SETX: variants seen among roughly 807,000 people sequenced by gnomAD.
SETX encodes helicase senataxin.
Under a neutral mutation model 227.2 loss-of-function variants are expected in SETX, and 90 were observed. That is an observed-to-expected ratio of 0.40 (90% confidence interval 0.33 to 0.47). SETX has a LOEUF of 0.47. Among genes scored for constraint, SETX ranks in the 20% least tolerant of loss-of-function variants. The probability of loss-of-function intolerance (pLI) is 0.91; values close to 1 mark genes in which losing one functional copy is unlikely to be tolerated. For synonymous variants in SETX, 1,210 were observed against 1,113.2 expected (o/e 1.09, Z -1.73); for missense variants, 3,052 against 3,181.5 (o/e 0.96, Z 0.98).
chr9:132,336,873 C>T (rs1013535612), intron 5 of SETX, among the ~76,000 whole-genome samples: 14 of 152,040 alleles, frequency 9.2e-5, no homozygotes, highest in Non-Finnish European at 2.1e-4. Flanking sequence ...AGACCAGCCT[C>T]GCCAACTTGG....
At chr9:132,292,420 A>C (rs1589659476) in intron 15 of SETX, among the ~76,000 whole-genome samples, 1 of 122,594 alleles carries the variant, frequency 8.2e-6, no homozygotes, top group African/African-American at 4.0e-5. Flanking sequence ...GGGTACAAAA[A>C]AAAAAAAAAA....
At chr9:132,346,585 AT>A in intron 3 of SETX, 114 bp from the exon 4 acceptor site, 1 of 738,662 alleles carries the variant, frequency 1.4e-6, no homozygotes, top group Non-Finnish European at 2.3e-6. Flanking sequence ...AATGTAAAGT[AT>A]TAGAGCTTGT....
rs1842910898 is a variant in SETX at position 132,271,696 on chromosome 9, T to C, written c.7199+14A>G. On this transcript the variant is annotated intron_variant, in intron 24 of 25. Transcript: ENST00000224140. ...GTATACAAGTATAAAAGAGCAACAA[T>C]GACAGTAACTCACCCAATTGAACCT... 6.2e-7 allele frequency: 1 copy of C among 1,600,054 alleles called. No homozygotes were observed. Among genetic ancestry groups the C allele is most frequent in the Non-Finnish European group, 8.6e-7 (1 of 1,167,188 alleles).
intron 10 of SETX, among the ~76,000 whole-genome samples, chr9:132,320,856 G>C (rs1163109420): frequency 1.3e-5 from 2 of 151,712 alleles, no homozygotes; most frequent in Non-Finnish European, 2.9e-5. Flanking sequence ...CCACACTTTG[G>C]AAGCTGCAAA....
chr9:132,336,560 C>A, intron 5 of SETX, 45 bp from the exon 6 acceptor site: 2 of 1,328,234 alleles, frequency 1.5e-6, no homozygotes, highest in South Asian at 2.4e-5. Flanking sequence ...AAACAATGGT[C>A]TACAAACAGC....
In SETX at chr9:132,276,913, A is replaced by T. The variant is rs894098628; in HGVS notation, c.6935+147T>A. ...GTAATATTATCCCCATTATACAGAAAAAAGAAGCATCAACTTAAGTGAACA... is the reference window on the plus strand; with the variant it reads ...GTAATATTATCCCCATTATACAGAATAAAGAAGCATCAACTTAAGTGAACA... On this transcript the variant is annotated intron_variant, in intron 22 of 25. Transcript: ENST00000224140. 1.8e-5 allele frequency: 13 copies of T among 736,572 alleles called. No individual in the cohort carries two copies. In the African/African-American group the frequency reaches 2.1e-4, roughly 12 times the overall value. The allele number at this position is 736,572 out of a possible 1,614,324, so 45.6% of individuals were successfully genotyped here. A position where few individuals can be genotyped will look rare whatever the true frequency, so the allele number is the denominator to read the frequency against.
In SETX at chr9:132,326,337, T is replaced by C; in HGVS notation, c.5261A>G (p.Asn1754Ser). Residue 1754 changes from asparagine to serine, a missense_variant, in exon 10 of 26, where the codon AAT becomes AGT. Transcript: ENST00000224140. ...FNVFFPLMVL[N>S]TFETVAQEWL... ...ACACATACTTACTGTTTCAAAAGTA[T>C]TCAATACCATCAAAGGGAAAAAAAC... 1 of 1,607,326 alleles carries C rather than the reference T, an allele frequency of 6.2e-7. No individual in the cohort carries two copies. Among genetic ancestry groups the C allele is most frequent in the Non-Finnish European group, 8.5e-7 (1 of 1,174,798 alleles).
intron 11 of SETX, among the ~76,000 whole-genome samples, chr9:132,307,741 C>T (rs944832234): frequency 6.6e-6 from 1 of 150,470 alleles, no homozygotes; most frequent in East Asian, 1.9e-4. Flanking sequence ...TGCAGTGGCA[C>T]GATCTCGGCT....
chr9:132,351,985 C>G (rs1848627721), intron 2 of SETX, among the ~76,000 whole-genome samples: 1 of 152,230 alleles, frequency 6.6e-6, no homozygotes, highest in East Asian at 1.9e-4. Context: ...TAATTTTCTA[C>G]AGACTTATCC....
At chr9:132,303,892 C>A (rs553542180) in intron 11 of SETX, among the ~76,000 whole-genome samples, 2 of 152,110 alleles carry the variant, frequency 1.3e-5, no homozygotes, top group African/African-American at 4.8e-5. Context: ...GAGGCCGAGG[C>A]GGGTGGTTCA....
At position 132,327,165 on chromosome 9, in the gene SETX, G is replaced by T. The variant is rs143661911; in HGVS notation, c.4433C>A (p.Ala1478Glu). The T allele has an allele frequency of 5.4e-4, 878 of 1,614,148 alleles. 2 individuals are homozygous for T. The highest frequency in any genetic ancestry group is 6.9e-4 in the Non-Finnish European group (819 of 1,180,030). The change falls in exon 10 of 26, where the codon GCA (alanine) becomes GAA (glutamate). Residue 1478 changes from alanine (A) to glutamate (E), a missense_variant. By Grantham distance (107) the Ala-to-Glu change is moderately radical (BLOSUM62 -1). Around this residue, in one of 10 missense-constraint regions of SETX, gnomAD observed 1,483 missense variants for 1,312.0 expected, o/e 1.13. Transcript: ENST00000224140. ...GDPTARHIEM[A>E]ALKEGEPDSS... is the part of the protein sequence containing the mutation. Reference sequence around the variant, plus strand: ...GTCAGGCTCTCCTTCTTTCAAAGCTGCCATCTCTATATGACGTGCTGTTGG... The same window carrying T: ...GTCAGGCTCTCCTTCTTTCAAAGCTTCCATCTCTATATGACGTGCTGTTGG...
chr9:132,295,406 C>G (rs1844610226), intron 15 of SETX, among the ~76,000 whole-genome samples: 1 of 152,214 alleles, frequency 6.6e-6, no homozygotes, highest in Non-Finnish European at 1.5e-5. Context: ...TCACCGCCAC[C>G]TAATGCTCTG....
At chr9:132,285,460 T>C (rs754819269) in intron 18 of SETX, among the ~76,000 whole-genome samples, 1 of 152,128 alleles carries the variant, frequency 6.6e-6, no homozygotes, top group African/African-American at 2.4e-5. Flanking sequence ...GAAAAGCCCA[T>C]AGCTGGCCAG....
chr9:132,264,780 C>A lies in SETX; in HGVS notation c.7493G>T (p.Gly2498Val), dbSNP rs1390081122. The change falls in exon 26 of 26, where the codon GGA becomes GTA. Residue 2498 changes from glycine (G) to valine (V), a missense_variant. Gly to Val is a moderately radical substitution (Grantham distance 109, BLOSUM62 -3). This residue lies in a region of SETX where 294 missense variants were observed against 278.8 expected (regional missense o/e 1.05). Coordinates refer to ENST00000224140, the MANE Select transcript of SETX (RefSeq NM_015046.7). ...GGLPSSKLDS[G>V]FAKTSVAASL... ...AGCAGCAACAGATGTCTTGGCAAAT[C>A]CACTGTCTAGCTTGCTGCTGGGCAA... The A allele has an allele frequency of 6.2e-7, 1 of 1,614,176 alleles. No individual in the cohort carries two copies. Among genetic ancestry groups the A allele is most frequent in the Non-Finnish European group, 8.5e-7 (1 of 1,180,036 alleles).
At chr9:132,342,368 C>T (rs1012892393) in intron 5 of SETX, among the ~76,000 whole-genome samples, 1 of 152,144 alleles carries the variant, frequency 6.6e-6, no homozygotes, top group Non-Finnish European at 1.5e-5. Flanking sequence ...ACCGGTATCT[C>T]CATGTGTCTG....
At chr9:132,308,602 T>C (rs1438862114) in intron 11 of SETX, among the ~76,000 whole-genome samples, 1 of 152,192 alleles carries the variant, frequency 6.6e-6, no homozygotes, top group African/African-American at 2.4e-5. Flanking sequence ...GTATGACTTA[T>C]TTTTAAGCTC....
intron 10 of SETX, among the ~76,000 whole-genome samples, chr9:132,315,112 C>A (rs1845894513): frequency 6.6e-6 from 1 of 151,876 alleles, no homozygotes; most frequent in Non-Finnish European, 1.5e-5. Flanking sequence ...AGGGTTTCAC[C>A]AAAGTTGGCC....
At chr9:132,338,395 T>C (rs1045513809) in intron 5 of SETX, among the ~76,000 whole-genome samples, 7 of 152,042 alleles carry the variant, frequency 4.6e-5, no homozygotes, top group African/African-American at 1.7e-4. Flanking sequence ...CCAGCCTCAC[T>C]TATTTTTTTA....
intron 11 of SETX, among the ~76,000 whole-genome samples, chr9:132,307,765 G>A (rs1292631583): frequency 1.3e-5 from 2 of 148,248 alleles, no homozygotes; most frequent in African/African-American, 2.5e-5. Context: ...TGCAACCTCC[G>A]CCTCCAGGGT....
Sources: gnomAD v4.1 joint callset for allele counts (sites outside exome capture counted in the v4.1 genomes callset) on GRCh38, gnomAD v4.1.1 for gene constraint, gnomAD v4.1.1 regional missense constraint, MANE v1.5 for transcripts, NCBI Gene and HGNC (gene_info 2026-07-23, HGNC 2026-07-21) for gene names.